Variants in AHRR observed in about 807,000 individuals in gnomAD.
AHRR encodes the protein ahR repressor.
A neutral mutation model predicts 44.0 loss-of-function variants in AHRR; 28 were observed. The ratio of observed to expected loss-of-function variants is 0.64; its 90% confidence interval spans 0.47 to 0.87. The LOEUF is 0.87. Among genes scored for constraint, AHRR ranks in the 40% least tolerant of loss-of-function variants. The pLI is 0.00. For missense variants in AHRR, 990 were observed against 953.9 expected (o/e 1.04, Z -0.50); for synonymous variants, 434 against 407.0 (o/e 1.07, Z -0.80).
rs770281458 is a variant in AHRR at position 353,813 on chromosome 5, G to C, written c.146G>C (p.Ser49Thr). The C allele has an allele frequency of 8.7e-6, 14 of 1,614,028 alleles. No homozygotes were observed. The highest frequency in any genetic ancestry group is 1.2e-5 in the Non-Finnish European group (14 of 1,180,022). The change falls in exon 3 of 11, where the codon AGC becomes ACC. Residue 49 changes from serine (S) to threonine (T), a missense_variant. Coordinates refer to ENST00000684583, the MANE Select transcript of AHRR (RefSeq NM_001377236.1). The part of the protein sequence containing the change: ...RLNAELDHLA[S>T]LLPFPPDIIS... ...AACGCCGAGTTGGACCACCTGGCCA[G>C]CCTGCTGCCGTTCCCGCCTGACATC...
At chr5:339,779 C>G (rs1246232729) in intron 1 of AHRR, among the ~76,000 whole-genome samples, 1 of 152,008 alleles carries the variant, frequency 6.6e-6, no homozygotes, top group African/African-American at 2.4e-5. Context: ...TTGTCAAATG[C>G]TTTTCTGAAA....
intron 8 of AHRR, among the ~76,000 whole-genome samples, chr5:428,391 G>A (rs931127571): frequency 1.3e-5 from 2 of 152,208 alleles, no homozygotes; most frequent in African/African-American, 2.4e-5. Flanking sequence ...GGTAGTTCCC[G>A]GCTGCAGGAC....
At chr5:324,245 A>G (rs1366019117) in intron 1 of AHRR, among the ~76,000 whole-genome samples, 1 of 150,882 alleles carries the variant, frequency 6.6e-6, no homozygotes, top group Non-Finnish European at 1.5e-5. Flanking sequence ...TTTTTGGTAG[A>G]GACAGGGTTT....
At chr5:323,826 A>G (rs549590980) in intron 1 of AHRR, among the ~76,000 whole-genome samples, 115 of 152,258 alleles carry the variant, frequency 7.6e-4, no homozygotes, top group African/African-American at 2.6e-3. Flanking sequence ...GTGATCAGGC[A>G]TTGAAGGAGA....
At chr5:376,777 C>G (rs2126445370) in intron 4 of AHRR, 61 bp downstream of exon 4, 1 of 1,413,108 alleles carries the variant, frequency 7.1e-7, no homozygotes, top group East Asian at 2.4e-5. Flanking sequence ...CACGCGTGTT[C>G]AGGCTCAGTC....
In AHRR at chr5:395,894, C is replaced by T. The variant is rs113006969; in HGVS notation, c.352-17450C>T. Among the ~76,000 whole-genome samples, 1,876 of 152,284 alleles carry T rather than the reference C, an allele frequency of 0.012. 45 individuals are homozygous for T. Among genetic ancestry groups the T allele is most frequent in the African/African-American group, 0.044 (1,826 of 41,546 alleles). On this transcript the variant is annotated intron_variant, in intron 4 of 10. Transcript: ENST00000684583. This position sits in a 1 kb window ranked among gnomAD's most constrained non-coding sequence, Gnocchi z 5.3. ...ATGAGCGTCCCCTTCCTCCAGCTTC[C>T]TCCATGCAGTGATGTTGCCTGGCTC...
intron 3 of AHRR, among the ~76,000 whole-genome samples, chr5:369,414 G>C (rs911690243): frequency 2.0e-5 from 3 of 152,216 alleles, no homozygotes; most frequent in African/African-American, 7.2e-5. Context: ...TGTCCCACAG[G>C]GTGGACTTGC....
chr5:406,894 G>T lies in AHRR; in HGVS notation c.352-6450G>T, dbSNP rs1735278847. On this transcript the variant is annotated intron_variant, in intron 4 of 10. Coordinates refer to ENST00000684583, the MANE Select transcript of AHRR (RefSeq NM_001377236.1). This position sits in a 1 kb window ranked among gnomAD's most constrained non-coding sequence, Gnocchi z 4.7. ...GCTTGCAGATGATCCTGATCAAACA[G>T]GCAATAATAACAAAGTTTCTTAATA... Among the ~76,000 whole-genome samples, 1 of 152,172 alleles carries T rather than the reference G, an allele frequency of 6.6e-6. No homozygotes were observed. Among genetic ancestry groups the T allele is most frequent in the Admixed American group, 6.5e-5 (1 of 15,286 alleles).
At chr5:340,551 C>T (rs1579595645) in intron 1 of AHRR, among the ~76,000 whole-genome samples, 1 of 149,464 alleles carries the variant, frequency 6.7e-6, no homozygotes, top group Non-Finnish European at 1.5e-5. Flanking sequence ...GGGCTCCAGC[C>T]TTATTACCTT....
rs1289081517 is a variant in AHRR at position 327,987 on chromosome 5, A to T, written c.-11+6168A>T. On this transcript the variant is annotated intron_variant, in intron 1 of 10. Coordinates refer to ENST00000684583, the MANE Select transcript of AHRR (RefSeq NM_001377236.1). ...GTGTGATGTTCCCCTCCCTGTGTCC[A>T]TGCGTTCTCATTGTTCAATTCCCAC... 5.3e-5 allele frequency among the ~76,000 whole-genome samples: 8 copies of T among 152,008 alleles called. No homozygotes were observed. In the East Asian group the frequency reaches 1.6e-3, roughly 30 times the overall value.
intron 1 of AHRR, among the ~76,000 whole-genome samples, chr5:325,303 C>A (rs947802993): frequency 6.6e-6 from 1 of 152,134 alleles, no homozygotes; most frequent in East Asian, 1.9e-4. Flanking sequence ...GTCACCCTAT[C>A]CCCTTTACCT....
At chr5:418,151 T>C (rs191388396) in intron 5 of AHRR, among the ~76,000 whole-genome samples, 1 of 152,306 alleles carries the variant, frequency 6.6e-6, no homozygotes, top group East Asian at 1.9e-4. Flanking sequence ...ATATTGAAAT[T>C]GGAAATGATT....
chr5:340,674 ATATATATATATATATTTTTT>A (rs1742300119), intron 1 of AHRR, among the ~76,000 whole-genome samples: 1 of 24,880 alleles, frequency 4.0e-5, no homozygotes, highest in Non-Finnish European at 7.2e-5. Flanking sequence ...TTATATATAT[ATATATATATATATATTTTTT>A]TTTTTTTTTT....
chr5:355,574 G>T (rs550875005), intron 3 of AHRR, among the ~76,000 whole-genome samples: 3 of 152,184 alleles, frequency 2.0e-5, no homozygotes, highest in African/African-American at 7.2e-5. Context: ...CTCCGCACAG[G>T]TCCCACTGTG....
chr5:329,044 C>T (rs1287368970), intron 1 of AHRR, among the ~76,000 whole-genome samples: 1 of 152,176 alleles, frequency 6.6e-6, no homozygotes, highest in Non-Finnish European at 1.5e-5. Flanking sequence ...GGGGCAGTTT[C>T]CTCCATGCTG....
chr5:434,959 G>T lies in AHRR; in HGVS notation c.*125G>T. 1 of 1,311,452 alleles carries T rather than the reference G, an allele frequency of 7.6e-7. No individual in the cohort carries two copies. The highest frequency in any genetic ancestry group is 2.6e-5 in the Admixed American group (1 of 37,888). 81.2% of individuals were successfully genotyped at this position (1,311,452 alleles called of 1,614,324 possible). On this transcript the variant is annotated 3_prime_UTR_variant, in exon 11 of 11. Coordinates refer to ENST00000684583, the MANE Select transcript of AHRR (RefSeq NM_001377236.1). ...ACACACGCTTTGCAGAGCTGTGCATGCGCAGTCTGCTAGTGTGTGTGTGCA... is the reference window on the plus strand; with the variant it reads ...ACACACGCTTTGCAGAGCTGTGCATTCGCAGTCTGCTAGTGTGTGTGTGCA...
In AHRR at chr5:434,621, G is replaced by T. The variant is rs776913290; in HGVS notation, c.1881G>T (p.Gln627His). ...TGGAGCCCACAGACGGCCTTCCCCA[G>T]TCGGAGCCTCCCCACCAGCTCTGTG... ...ACLEPTDGLP[Q>H]SEPPHQLCAR... Residue 627 changes from glutamine (Q) to histidine (H), a missense_variant, in exon 11 of 11, where the codon CAG becomes CAT. Gln to His is a conservative substitution (Grantham distance 24, BLOSUM62 0). Transcript: ENST00000684583. The T allele has an allele frequency of 5.8e-6, 9 of 1,562,508 alleles. No individual in the cohort carries two copies. The highest frequency in any genetic ancestry group is 1.4e-5 in the African/African-American group (1 of 73,732).
rs185010272 is a variant in AHRR, at chr5:346,962, G to A, written c.62+2998G>A. Among the ~76,000 whole-genome samples the A allele has an allele frequency of 1.2e-4, 18 of 152,270 alleles. No individual in the cohort carries two copies. The East Asian group carries it at 2.1e-3, about 18-fold the overall frequency. On this transcript the variant is annotated intron_variant, in intron 2 of 10. Coordinates refer to ENST00000684583, the MANE Select transcript of AHRR (RefSeq NM_001377236.1). The stretch of plus-strand genomic sequence containing the variant: ...AGTTAAAATCAAATCCCCCACACTC[G>A]TGTATTGGGAGGATGAAAACCTAGA...
chr5:403,223 G>A (rs1255356284), intron 4 of AHRR, among the ~76,000 whole-genome samples: 1 of 152,160 alleles, frequency 6.6e-6, no homozygotes, highest in Non-Finnish European at 1.5e-5. Flanking sequence ...GTGGGGGTGA[G>A]TGTTTAATGT....
Sources: allele counts gnomAD v4.1 joint callset (sites outside exome capture counted in the v4.1 genomes callset), GRCh38; gene constraint gnomAD v4.1.1; non-coding constraint Gnocchi (gnomAD v3.1); transcripts MANE v1.5; gene names NCBI Gene and HGNC (gene_info 2026-07-23, HGNC 2026-07-21).